The following SLC16A10 variants were observed in gnomAD, a reference collection of about 807,000 sequenced individuals.
The protein encoded by SLC16A10 is monocarboxylate transporter 10.
A neutral mutation model predicts 40.0 loss-of-function variants in SLC16A10; 27 were observed. The observed-to-expected ratio is 0.67, with a 90% CI of 0.50 to 0.93. The LOEUF is 0.93. Ranked by LOEUF, SLC16A10 falls within the 40% of genes least tolerant of loss-of-function variation. SLC16A10 has a pLI of 0.00. For missense variants in SLC16A10, 529 were observed against 658.2 expected (o/e 0.80, Z 2.15); for synonymous variants, 213 against 249.8 (o/e 0.85, Z 1.39).
chr6:111,220,463 ATGTGTGTACTG>A (rs1247126222), intron 5 of SLC16A10, among the ~76,000 whole-genome samples: 2 of 152,220 alleles, frequency 1.3e-5, no homozygotes, highest in African/African-American at 4.8e-5. Flanking sequence ...TAAAATTTAA[ATGTGTGTACTG>A]TCATCTGTGT....
chr6:111,183,330 A>G (rs1314114007), intron 3 of SLC16A10, among the ~76,000 whole-genome samples: 2 of 152,118 alleles, frequency 1.3e-5, no homozygotes, highest in Admixed American at 1.3e-4. Context: ...TTCTAACATT[A>G]TCTATTTTAC....
At chr6:111,163,591 C>T in intron 1 of SLC16A10, among the ~76,000 whole-genome samples, 1 of 151,922 alleles carries the variant, frequency 6.6e-6, no homozygotes, top group East Asian at 1.9e-4. Flanking sequence ...TTTGGCAATC[C>T]CACATAACTA....
At position 111,227,133 on chromosome 6, in the gene SLC16A10, GA is replaced by G. The variant is rs143428434; in HGVS notation, c.*4907del. On this transcript the variant is annotated 3_prime_UTR_variant, in exon 6 of 6. Coordinates refer to ENST00000368851, the MANE Select transcript of SLC16A10 (RefSeq NM_018593.5). ...AAAATGAGACCTTGTCTACAAAAAG[GA>G]AAAAAAAATTTGTTCTGCTCTACTA... The G allele has an allele frequency of 9.4e-3, 1,427 of 151,522 alleles. 29 individuals carry two copies. Among genetic ancestry groups the G allele is most frequent in the African/African-American group, 0.033 (1,354 of 41,304 alleles). The allele number at this position is 151,522 out of a possible 1,614,324, so 9.4% of individuals were successfully genotyped here.
At chr6:111,115,829 G>A (rs962418455) in intron 1 of SLC16A10, among the ~76,000 whole-genome samples, 1 of 151,942 alleles carries the variant, frequency 6.6e-6, no homozygotes, top group African/African-American at 2.4e-5. Flanking sequence ...CTAAAAAGAG[G>A]TCTGCAGTTT....
intron 1 of SLC16A10, among the ~76,000 whole-genome samples, chr6:111,089,490 C>T (rs1221905038): frequency 6.6e-6 from 1 of 152,138 alleles, no homozygotes; most frequent in Non-Finnish European, 1.5e-5. Context: ...TGTACACTCT[C>T]GTTATGCATG....
chr6:111,196,173 C>G (rs909535384), intron 3 of SLC16A10, among the ~76,000 whole-genome samples: 1 of 152,008 alleles, frequency 6.6e-6, no homozygotes, highest in East Asian at 1.9e-4. Flanking sequence ...CCTGTCTGTA[C>G]TAAAAATACA....
intron 1 of SLC16A10, among the ~76,000 whole-genome samples, chr6:111,160,266 T>C (rs1772345917): frequency 6.6e-6 from 1 of 152,158 alleles, no homozygotes; most frequent in Non-Finnish European, 1.5e-5. Flanking sequence ...TGAGACAGAG[T>C]CTCACTCTGT....
At chr6:111,208,722 C>T (rs945084229) in intron 4 of SLC16A10, among the ~76,000 whole-genome samples, 1 of 152,044 alleles carries the variant, frequency 6.6e-6, no homozygotes. Context: ...CTGTCTCTTT[C>T]CATAGAGAAA....
chr6:111,175,279 T>TGAAAACCTG (rs1342111153), intron 2 of SLC16A10, among the ~76,000 whole-genome samples: 1 of 152,198 alleles, frequency 6.6e-6, no homozygotes, highest in Non-Finnish European at 1.5e-5. Flanking sequence ...CATGTGTTAC[T>TGAAAACCTG]GAAGGGAAAA....
At chr6:111,117,341 G>C (rs1484791922) in intron 1 of SLC16A10, among the ~76,000 whole-genome samples, 1 of 117,948 alleles carries the variant, frequency 8.5e-6, no homozygotes, top group Non-Finnish European at 1.7e-5. Context: ...GACAGAGCGA[G>C]ACTCCGTCTC....
chr6:111,139,432 G>A (rs902000403), intron 1 of SLC16A10, among the ~76,000 whole-genome samples: 2 of 152,064 alleles, frequency 1.3e-5, no homozygotes, highest in African/African-American at 4.8e-5. Context: ...CTCCTGAGTA[G>A]CTGGGACTAC....
chr6:111,125,077 T>C (rs992633819), intron 1 of SLC16A10, among the ~76,000 whole-genome samples: 5 of 152,216 alleles, frequency 3.3e-5, no homozygotes, highest in African/African-American at 9.6e-5. Context: ...TATTAAAGTA[T>C]TTTACATTTT....
At chr6:111,185,828 C>A (rs1170933837) in intron 3 of SLC16A10, among the ~76,000 whole-genome samples, 1 of 151,934 alleles carries the variant, frequency 6.6e-6, no homozygotes, top group Non-Finnish European at 1.5e-5. Flanking sequence ...GATCATTAGT[C>A]TCCTGAGAGA....
At chr6:111,208,953 A>G (rs1165008062) in intron 4 of SLC16A10, among the ~76,000 whole-genome samples, 1 of 152,050 alleles carries the variant, frequency 6.6e-6, no homozygotes, top group Non-Finnish European at 1.5e-5. Context: ...CATAATATCA[A>G]CACTTTAGGA....
chr6:111,095,233 G>A (rs1158440883), intron 1 of SLC16A10, among the ~76,000 whole-genome samples: 1 of 152,094 alleles, frequency 6.6e-6, no homozygotes, highest in Non-Finnish European at 1.5e-5. Flanking sequence ...GCTGCTTTTT[G>A]CCTCTGTACC....
chr6:111,116,328 A>C (rs1771486300), intron 1 of SLC16A10, among the ~76,000 whole-genome samples: 1 of 151,636 alleles, frequency 6.6e-6, no homozygotes, highest in Non-Finnish European at 1.5e-5. Context: ...AGCAATTCTC[A>C]TGCCTCAGCC....
At position 111,117,433 on chromosome 6, in the gene SLC16A10, A is replaced by G. The variant is rs116815227; in HGVS notation, c.343+29338A>G. Reference sequence around the variant, plus strand: ...TTCTTTTGTACCACCAAATAAACCGAATTTTTGGACCAACTTTACTTTAGT... The same window carrying G: ...TTCTTTTGTACCACCAAATAAACCGGATTTTTGGACCAACTTTACTTTAGT... On this transcript the variant is annotated intron_variant, in intron 1 of 5. Coordinates refer to ENST00000368851, the MANE Select transcript of SLC16A10 (RefSeq NM_018593.5). Among the ~76,000 whole-genome samples, 857 of 151,750 alleles carry G rather than the reference A, an allele frequency of 5.6e-3. 9 individuals are homozygous for G. Among genetic ancestry groups the G allele is most frequent in the African/African-American group, 0.02 (823 of 41,398 alleles).
chr6:111,113,227 A>G (rs906956522), intron 1 of SLC16A10, among the ~76,000 whole-genome samples: 1 of 152,080 alleles, frequency 6.6e-6, no homozygotes, highest in Non-Finnish European at 1.5e-5. Flanking sequence ...ATTTTTTTCA[A>G]CTGGCTTATG....
intron 3 of SLC16A10, among the ~76,000 whole-genome samples, chr6:111,184,172 G>A (rs567261150): frequency 6.6e-6 from 1 of 152,234 alleles, no homozygotes; most frequent in Non-Finnish European, 1.5e-5. Flanking sequence ...CTTAGTACCT[G>A]TGTTCTTTGA....
Sources: allele counts gnomAD v4.1 joint callset (sites outside exome capture counted in the v4.1 genomes callset), GRCh38; gene constraint gnomAD v4.1.1; transcripts MANE v1.5; gene names NCBI Gene and HGNC (gene_info 2026-07-23, HGNC 2026-07-21).